The following ASIC2 variants were observed in gnomAD, a reference collection of about 807,000 sequenced individuals.
ASIC2 encodes acid-sensing ion channel 2.
A neutral mutation model predicts 57.3 loss-of-function variants in ASIC2; 25 were observed. The ratio of observed to expected loss-of-function variants is 0.44; its 90% CI spans 0.32 to 0.61. The LOEUF is 0.61. Among genes scored for constraint, ASIC2 ranks in the 20% least tolerant of loss-of-function variants. The probability of loss-of-function intolerance (pLI) is 0.06; values close to 1 mark genes in which losing one functional copy is unlikely to be tolerated. For missense variants in ASIC2, 641 were observed against 738.1 expected (o/e 0.87, Z 1.52); for synonymous variants, 319 against 307.5 (o/e 1.04, Z -0.39).
chr17:33,429,627 T>C (rs779506258), intron 1 of ASIC2, among the ~76,000 whole-genome samples: 6 of 152,064 alleles, frequency 3.9e-5, no homozygotes, highest in Non-Finnish European at 8.8e-5. Flanking sequence ...CCTGACCTCG[T>C]GATCTGCCCA....
At chr17:34,141,650 G>A (rs1912275898) in intron 1 of ASIC2, among the ~76,000 whole-genome samples, 1 of 152,202 alleles carries the variant, frequency 6.6e-6, no homozygotes, top group African/African-American at 2.4e-5. Flanking sequence ...CATGTGCTGG[G>A]CAACTCATAA....
chr17:33,799,435 T>TTTCTTCCTTCC (rs749340679), intron 1 of ASIC2, among the ~76,000 whole-genome samples: 5 of 43,016 alleles, frequency 1.2e-4, no homozygotes, highest in African/African-American at 4.3e-4. Context: ...TTCTTCTTTC[T>TTTCTTCCTTCC]TTCTTTCTTT....
At chr17:33,577,573 A>G (rs947397143) in intron 1 of ASIC2, among the ~76,000 whole-genome samples, 10 of 152,068 alleles carry the variant, frequency 6.6e-5, no homozygotes, top group East Asian at 1.9e-4. Context: ...ACCAAACCTG[A>G]TATTTCAGGA....
chr17:34,132,425 A>G (rs1011271316), intron 1 of ASIC2, among the ~76,000 whole-genome samples: 1 of 152,132 alleles, frequency 6.6e-6, no homozygotes, highest in African/African-American at 2.4e-5. Flanking sequence ...GGTGGAGGCC[A>G]GCTTTTATTC....
intron 1 of ASIC2, among the ~76,000 whole-genome samples, chr17:33,799,431 T>TTTCTTTC (rs1912046521): frequency 0.048 from 1,063 of 22,038 alleles, 10 homozygotes; most frequent in Non-Finnish European, 0.058. Context: ...TTCTTTCTTC[T>TTTCTTTC]TTCTTTCTTT....
intron 1 of ASIC2, among the ~76,000 whole-genome samples, chr17:33,648,258 G>A (rs1458783376): frequency 2.0e-5 from 3 of 152,146 alleles, no homozygotes; most frequent in Non-Finnish European, 4.4e-5. Context: ...GGAAGGTGTG[G>A]GATGTTAGGC....
chr17:33,136,168 G>C (rs1047547311), intron 1 of ASIC2, among the ~76,000 whole-genome samples: 6 of 152,216 alleles, frequency 3.9e-5, no homozygotes, highest in African/African-American at 4.8e-5. Flanking sequence ...GGATGTGTCT[G>C]TGTGCACTAT....
intron 1 of ASIC2, among the ~76,000 whole-genome samples, chr17:33,767,200 A>G (rs1206636448): frequency 6.6e-6 from 1 of 152,126 alleles, no homozygotes; most frequent in Non-Finnish European, 1.5e-5. Context: ...CCCAGTGGGA[A>G]CCCACCTTGG....
chr17:33,997,008 T>C (rs1371855868), intron 1 of ASIC2, among the ~76,000 whole-genome samples: 1 of 152,238 alleles, frequency 6.6e-6, no homozygotes, highest in African/African-American at 2.4e-5. Flanking sequence ...TTTTCATTTA[T>C]TTGTGTCTTC....
At chr17:33,557,890 C>T (rs1242245866) in intron 1 of ASIC2, among the ~76,000 whole-genome samples, 1 of 152,192 alleles carries the variant, frequency 6.6e-6, no homozygotes, top group Non-Finnish European at 1.5e-5. Context: ...TCACTTGAAT[C>T]TTGGCAGTAA....
At chr17:34,035,281 T>C (rs1357304728) in intron 1 of ASIC2, among the ~76,000 whole-genome samples, 1 of 144,960 alleles carries the variant, frequency 6.9e-6, no homozygotes, top group Non-Finnish European at 1.5e-5. Context: ...ATTTAATAAA[T>C]GGTGCTGGGA....
intron 1 of ASIC2, among the ~76,000 whole-genome samples, chr17:33,949,598 C>T (rs572597901): frequency 6.6e-6 from 1 of 152,252 alleles, no homozygotes; most frequent in Non-Finnish European, 1.5e-5. Flanking sequence ...TTTAAAAATA[C>T]ACATTAGGTC....
intron 1 of ASIC2, among the ~76,000 whole-genome samples, chr17:33,841,771 C>T (rs1427502666): frequency 6.6e-6 from 1 of 152,152 alleles, no homozygotes; most frequent in Admixed American, 6.5e-5. Flanking sequence ...GAAGATCTTG[C>T]TCTTGTGTCA....
chr17:34,116,979 T>C (rs1351072933), intron 1 of ASIC2, among the ~76,000 whole-genome samples: 1 of 152,026 alleles, frequency 6.6e-6, no homozygotes, highest in African/African-American at 2.4e-5. Flanking sequence ...GTGTAGCATG[T>C]AGTATGTGTG....
intron 1 of ASIC2, among the ~76,000 whole-genome samples, chr17:33,517,361 C>T (rs1380838503): frequency 2.6e-5 from 4 of 152,182 alleles, no homozygotes; most frequent in Non-Finnish European, 5.9e-5. Flanking sequence ...AGTGATCGAC[C>T]CACCTCGGCC....
chr17:33,407,967 C>T (rs949515399), intron 1 of ASIC2, among the ~76,000 whole-genome samples: 4 of 152,146 alleles, frequency 2.6e-5, no homozygotes, highest in Non-Finnish European at 5.9e-5. Context: ...ACTTCCAAAT[C>T]CTTCCTGTTC....
intron 1 of ASIC2, among the ~76,000 whole-genome samples, chr17:33,874,057 C>T (rs981259091): frequency 5.3e-5 from 8 of 152,226 alleles, no homozygotes; most frequent in Non-Finnish European, 1.0e-4. Flanking sequence ...CCCACGTCTT[C>T]GGGCTTGGCC....
chr17:33,278,741 G>T (rs1284088215), intron 1 of ASIC2, among the ~76,000 whole-genome samples: 1 of 152,020 alleles, frequency 6.6e-6, no homozygotes, highest in Non-Finnish European at 1.5e-5. Context: ...ATGAACGAAT[G>T]AATGAGTCCA....
At chr17:33,604,560 A>G (rs1443300577) in intron 1 of ASIC2, among the ~76,000 whole-genome samples, 2 of 152,222 alleles carry the variant, frequency 1.3e-5, no homozygotes, top group Non-Finnish European at 2.9e-5. Context: ...ACAGCACAAC[A>G]GAATCCAGGA....
Sources: gnomAD v4.1 joint callset for allele counts (sites outside exome capture counted in the v4.1 genomes callset) on GRCh38, gnomAD v4.1.1 for gene constraint, MANE v1.5 for transcripts, NCBI Gene and HGNC (gene_info 2026-07-23, HGNC 2026-07-21) for gene names.